Variants in GTPBP3 observed in about 807,000 individuals in gnomAD.
GTPBP3 encodes the protein GTP binding protein 3, mitochondrial.
In GTPBP3, 35 loss-of-function variants were observed where a neutral mutation model predicts 42.0. That is an observed-to-expected ratio of 0.83 (90% CI 0.64 to 1.10). The LOEUF is 1.10. Among genes scored for constraint, GTPBP3 ranks in the 50% least tolerant of loss-of-function variants. The pLI, the probability that GTPBP3 is intolerant of heterozygous loss-of-function variation, is 0.00. For synonymous variants in GTPBP3, 332 were observed against 314.9 expected (o/e 1.05, Z -0.58); for missense variants, 691 against 685.2 (o/e 1.01, Z -0.09).
intron 4 of GTPBP3, 100 bp downstream of exon 4, chr19:17,338,841 G>A (rs1027060613): frequency 1.4e-5 from 21 of 1,532,016 alleles, no homozygotes; most frequent in Middle Eastern, 1.8e-4. Flanking sequence ...CTGCGTGAAA[G>A]CTTCCGGCCT....
At chr19:17,339,390 C>A in intron 6 of GTPBP3, 44 bp from the exon 7 acceptor site, 8 of 1,602,762 alleles carry the variant, frequency 5.0e-6, no homozygotes, top group Non-Finnish European at 6.8e-6. Flanking sequence ...GGGGGAGGAG[C>A]TCCCTTGTCT....
Position 17,338,463 on chromosome 19 carries a change from C to A in GTPBP3, c.388+12C>A. The stretch of plus-strand genomic sequence containing the variant: ...CCTGCAGGCCTTGGGTGAGTTGCAG[C>A]GTTGGGTGAGATGCTTGGTCCTCCC... On this transcript the variant is annotated intron_variant, in intron 3 of 8. Transcript: ENST00000324894. 6.2e-7 allele frequency: 1 copy of A among 1,613,784 alleles called. No individual in the cohort carries two copies. The highest frequency in any genetic ancestry group is 8.5e-7 in the Non-Finnish European group (1 of 1,179,826).
rs1267840529 is a variant in GTPBP3, at chr19:17,338,365, G to C, written c.302G>C (p.Gly101Ala). Residue 101 changes from glycine (G) to alanine (A), a missense_variant and splice_region_variant, in exon 3 of 9, where the codon GGT becomes GCT. Coordinates refer to ENST00000324894, the MANE Select transcript of GTPBP3 (RefSeq NM_032620.4). Reference sequence around the variant, plus strand: ...TCCTGTCACCTGTCTGTCACATTAGGTCCCCAGAGTTTCACCGGTGAGGAC... The same window carrying C: ...TCCTGTCACCTGTCTGTCACATTAGCTCCCCAGAGTTTCACCGGTGAGGAC... ...LDRALVLWFPGPQSFTGEDCV... is the reference protein window; with the variant it reads ...LDRALVLWFPAPQSFTGEDCV... The C allele has an allele frequency of 6.2e-7, 1 of 1,614,030 alleles. No homozygotes were observed. Among genetic ancestry groups the C allele is most frequent in the Admixed American group, 1.7e-5 (1 of 60,024 alleles).
At chr19:17,340,041 T>C (rs1300236641) in intron 7 of GTPBP3, among the ~76,000 whole-genome samples, 1 of 150,640 alleles carries the variant, frequency 6.6e-6, no homozygotes, top group Non-Finnish European at 1.5e-5. Flanking sequence ...GTGTTTTGTT[T>C]TTGTTTTTGA....
At position 17,341,031 on chromosome 19, in the gene GTPBP3, C is replaced by A. The variant is rs1169837273; in HGVS notation, c.975-13C>A. ...AACCTGGGATCCCCGCTCAGTTGAC[C>A]TTGCTCCCGCAGGCTAGAGCAGGCT... On this transcript the variant is annotated splice_polypyrimidine_tract_variant and intron_variant, in intron 7 of 8. Transcript: ENST00000324894. The A allele has an allele frequency of 6.2e-7, 1 of 1,608,388 alleles. No homozygotes were observed. Among genetic ancestry groups the A allele is most frequent in the Non-Finnish European group, 8.5e-7 (1 of 1,176,392 alleles).
In GTPBP3 at chr19:17,338,044, C is replaced by A; in HGVS notation, c.90C>A (p.Pro30=). The A allele has an allele frequency of 1.9e-6, 3 of 1,597,912 alleles. No individual in the cohort carries two copies. Among genetic ancestry groups the A allele is most frequent in the Non-Finnish European group, 2.5e-6 (3 of 1,179,458 alleles). Residue 30 remains proline, a synonymous_variant, in exon 2 of 9, where the codon CCC becomes CCA. Transcript: ENST00000324894. ...GCCGGAGCAGCGGCGCACCAGCCCCCGGCTCCGGCGCCACCATCTTCGCGC... is the reference window on the plus strand; with the variant it reads ...GCCGGAGCAGCGGCGCACCAGCCCCAGGCTCCGGCGCCACCATCTTCGCGC... The part of the protein sequence containing the change: ...CTRRSSGAPA[P]GSGATIFALS...
intron 7 of GTPBP3, among the ~76,000 whole-genome samples, chr19:17,340,127 C>G (rs367904687): frequency 2.3e-4 from 35 of 152,030 alleles, no homozygotes; most frequent in African/African-American, 7.2e-4. Context: ...CTCCGCCTCT[C>G]GGGTTCAAGT....
intron 7 of GTPBP3, chr19:17,340,798 C>CTGCTGCTGTCCTGTCTGACGGGA: frequency 1.8e-6 from 1 of 561,144 alleles, no homozygotes; most frequent in Non-Finnish European, 3.2e-6. Flanking sequence ...GCTCCCGCAC[C>CTGCTGCTGTCCTGTCTGACGGGA]GTGACCGCTC....
upstream of GTPBP3, among the ~76,000 whole-genome samples, chr19:17,336,452 G>T (rs1243502104): frequency 6.9e-6 from 1 of 144,908 alleles, no homozygotes. Flanking sequence ...TGCAAGAGCC[G>T]TGATCGCGCC....
chr19:17,339,434 G>T lies in GTPBP3; in HGVS notation c.809G>T (p.Ser270Ile). 6.2e-7 allele frequency: 1 copy of T among 1,613,492 alleles called. No individual in the cohort carries two copies. Among genetic ancestry groups the T allele is most frequent in the Non-Finnish European group, 8.5e-7 (1 of 1,179,850 alleles). ...AGKSSLVNLL[S>I]RKPVSIVSPE... ...TCCTCTTCTTCTGACCCTCCCCCAG[G>T]TCGGAAGCCTGTGTCCATCGTGTCC... is the stretch of plus-strand genomic sequence containing the variant. Residue 270 changes from serine to isoleucine, a missense_variant and splice_region_variant, in exon 7 of 9, where the codon AGT becomes ATT. By Grantham distance (142) the Ser-to-Ile change is moderately radical. Coordinates refer to ENST00000324894, the MANE Select transcript of GTPBP3 (RefSeq NM_032620.4).
At chr19:17,335,726 A>G (rs763677770), upstream of GTPBP3, among the ~76,000 whole-genome samples, 6 of 152,130 alleles carry the variant, frequency 3.9e-5, no homozygotes, top group Non-Finnish European at 5.9e-5. Flanking sequence ...TGAGTAGCTC[A>G]GTCTGTTAGA....
rs1450183263 is a variant in GTPBP3, at chr19:17,339,014, G to T, written c.652G>T (p.Val218Phe). ...CGAGGATGACAACCTGGAGGAGGGG[G>T]TCCTGGAGCAAGGTGGGTCTACCTG... The part of the protein sequence containing the change: ...FGEDDNLEEG[V>F]LEQADIEVRA... The change falls in exon 5 of 9, where the codon GTC becomes TTC. Residue 218 changes from valine to phenylalanine, a missense_variant. Transcript: ENST00000324894. 1 of 1,613,990 alleles carries T rather than the reference G, an allele frequency of 6.2e-7. No individual in the cohort carries two copies. Among genetic ancestry groups the T allele is most frequent in the Admixed American group, 1.7e-5 (1 of 60,002 alleles).
chr19:17,339,393 C>T (rs776308314), intron 6 of GTPBP3, 41 bp from the exon 7 acceptor site: 30 of 1,605,932 alleles, frequency 1.9e-5, no homozygotes, highest in Non-Finnish European at 2.3e-5. Context: ...GGAGGAGCTC[C>T]CTTGTCTCCA....
At position 17,338,561 on chromosome 19, in the gene GTPBP3, G is replaced by A; in HGVS notation, c.411G>A (p.Pro137=). Residue 137 remains proline, a synonymous_variant, in exon 4 of 9, where the codon CCG becomes CCA. Coordinates refer to ENST00000324894, the MANE Select transcript of GTPBP3 (RefSeq NM_032620.4). ...QALGSVPGLR[P]AEAGEFTRRA... ...CAGGCAGCGTGCCAGGGCTTCGACC[G>A]GCGGAGGCAGGCGAGTTCACCAGAC... 6.2e-7 allele frequency: 1 copy of A among 1,613,856 alleles called. No individual in the cohort carries two copies. The highest frequency in any genetic ancestry group is 8.5e-7 in the Non-Finnish European group (1 of 1,179,846).
At chr19:17,338,820 G>C in intron 4 of GTPBP3, 79 bp downstream of exon 4, 1 of 1,534,136 alleles carries the variant, frequency 6.5e-7, no homozygotes, top group Non-Finnish European at 8.8e-7. Context: ...TCTCAATCCC[G>C]CATTCATTCC....
At chr19:17,335,227 C>A (rs2145695234), upstream of GTPBP3, 5 of 1,470,316 alleles carry the variant, frequency 3.4e-6, no homozygotes, top group East Asian at 2.5e-5. Context: ...ATAATTACAG[C>A]AAGCCCTGCT....
intron 1 of GTPBP3, 156 bp downstream of exon 1, chr19:17,337,820 C>T (rs2074381265): frequency 8.4e-7 from 1 of 1,194,380 alleles, no homozygotes; most frequent in South Asian, 1.6e-5. Flanking sequence ...GAGCCCATAT[C>T]TGGGTCTCCT....
At position 17,342,556 on chromosome 19, in the gene GTPBP3, A is replaced by G. The variant is rs1422757091; in HGVS notation, c.*853A>G. On this transcript the variant is annotated 3_prime_UTR_variant, in exon 9 of 9. Coordinates refer to ENST00000324894, the MANE Select transcript of GTPBP3 (RefSeq NM_032620.4). ...AGTGCTGGGATCACAGGCGTGAGCT[A>G]TCACACCTGGCCCCAGAAGTGTTTC... 4 of 151,956 alleles carry G rather than the reference A, an allele frequency of 2.6e-5. No individual in the cohort carries two copies. Among genetic ancestry groups the G allele is most frequent in the Admixed American group, 2.6e-4 (4 of 15,252 alleles). The allele number at this position is 151,956 out of a possible 1,614,324, so 9.4% of individuals were successfully genotyped here.
At chr19:17,336,903 CT>C (rs1289708542), upstream of GTPBP3, 1 of 152,164 alleles carries the variant, frequency 6.6e-6, no homozygotes. Context: ...GGAAGACTTC[CT>C]GGAGGAGGGG....
Sources: allele counts gnomAD v4.1 joint callset (sites outside exome capture counted in the v4.1 genomes callset), GRCh38; gene constraint gnomAD v4.1.1; transcripts MANE v1.5; gene names NCBI Gene and HGNC (gene_info 2026-07-23, HGNC 2026-07-21).